The following CNTNAP2 variants were observed in gnomAD, a reference collection of about 807,000 sequenced individuals.
CNTNAP2 encodes contactin-associated protein-like 2.
In CNTNAP2, 98 loss-of-function variants were observed where a neutral mutation model predicts 155.2. The ratio of observed to expected loss-of-function variants is 0.63; its 90% CI spans 0.54 to 0.75. The LOEUF is 0.75. CNTNAP2 is among the 30% of genes least tolerant of loss of function. The pLI, the probability that CNTNAP2 is intolerant of heterozygous loss-of-function variation, is 0.00. For synonymous variants in CNTNAP2, 651 were observed against 631.2 expected, an observed-to-expected ratio of 1.03 and a Z score of -0.47; for missense variants, 1,727 against 1,688.1, an observed-to-expected ratio of 1.02 and a Z score of -0.40.
At chr7:146,258,322 G>A (rs1156642903) in intron 1 of CNTNAP2, among the ~76,000 whole-genome samples, 3 of 151,956 alleles carry the variant, frequency 2.0e-5, no homozygotes. Flanking sequence ...TATGTGCCTG[G>A]ATACTAAGCC....
chr7:146,186,273 C>G (rs1307063817), intron 1 of CNTNAP2, among the ~76,000 whole-genome samples: 7 of 152,188 alleles, frequency 4.6e-5, no homozygotes, highest in Middle Eastern at 3.4e-3. Context: ...TTTTATCTTA[C>G]CTTTACCTTC....
intron 15 of CNTNAP2, among the ~76,000 whole-genome samples, chr7:148,102,767 A>G (rs1563200274): frequency 6.6e-6 from 1 of 152,194 alleles, no homozygotes; most frequent in Non-Finnish European, 1.5e-5. Context: ...GTTTGCATAT[A>G]GCTTTGGGGC....
chr7:147,351,988 C>T (rs1368366390), intron 9 of CNTNAP2, among the ~76,000 whole-genome samples: 1 of 151,760 alleles, frequency 6.6e-6, no homozygotes, highest in African/African-American at 2.4e-5. Context: ...TTAAAATGTG[C>T]CAATTCTTCA....
chr7:146,731,359 TTTA>T (rs1563208226), intron 1 of CNTNAP2, among the ~76,000 whole-genome samples: 1 of 151,850 alleles, frequency 6.6e-6, no homozygotes. Flanking sequence ...CGTGCAATAT[TTTA>T]TTTATTATTT....
At chr7:147,060,419 C>T (rs750416666) in intron 4 of CNTNAP2, among the ~76,000 whole-genome samples, 2 of 152,116 alleles carry the variant, frequency 1.3e-5, no homozygotes, top group Non-Finnish European at 2.9e-5. Context: ...TTTCACTTAG[C>T]AGTTTGATTT....
chr7:147,911,684 C>T (rs1800069312), intron 14 of CNTNAP2, among the ~76,000 whole-genome samples: 3 of 152,224 alleles, frequency 2.0e-5, no homozygotes, highest in Admixed American at 1.3e-4. Context: ...CTAAGAACCT[C>T]ATGTGAGTGA....
Position 147,847,909 on chromosome 7 carries a change from G to A in CNTNAP2, c.2099-55656G>A, listed in dbSNP as rs997310850. Among the ~76,000 whole-genome samples the A allele has an allele frequency of 3.4e-4, 42 of 123,762 alleles. 1 individual carries two copies. Among genetic ancestry groups the A allele is most frequent in the Admixed American group, 6.3e-4 (7 of 11,100 alleles). 81.2% of individuals were successfully genotyped at this position (123,762 alleles called of 152,430 possible). On this transcript the variant is annotated intron_variant, in intron 13 of 23. Coordinates refer to ENST00000361727, the MANE Select transcript of CNTNAP2 (RefSeq NM_014141.6). ...GGGGTGCCTCCCAGTTAGGCTGCTC[G>A]GGGGTCAGGGGTCAGGGACCCACTT...
chr7:147,299,304 C>G lies in CNTNAP2; in HGVS notation c.1349-837C>G, dbSNP rs139282493. Among the ~76,000 whole-genome samples the G allele has an allele frequency of 2.6e-4, 40 of 152,238 alleles. No individual in the cohort carries two copies. The East Asian group carries it at 4.6e-3, about 18-fold the overall frequency. Reference sequence around the variant, plus strand: ...CTATTCTTCATAAAATGAACACAAACTAAACAAAAGCTTTAAGCTACTGTC... The same window carrying G: ...CTATTCTTCATAAAATGAACACAAAGTAAACAAAAGCTTTAAGCTACTGTC... On this transcript the variant is annotated intron_variant, in intron 8 of 23. Coordinates refer to ENST00000361727, the MANE Select transcript of CNTNAP2 (RefSeq NM_014141.6).
chr7:147,827,260 C>T (rs987461189), intron 13 of CNTNAP2, among the ~76,000 whole-genome samples: 11 of 152,098 alleles, frequency 7.2e-5, no homozygotes, highest in Admixed American at 6.5e-5. Flanking sequence ...TTGCCCCAAG[C>T]AGATGGAGTA....
chr7:148,310,725 G>A (rs1035763804), intron 21 of CNTNAP2, among the ~76,000 whole-genome samples: 3 of 152,218 alleles, frequency 2.0e-5, no homozygotes, highest in South Asian at 2.1e-4. Context: ...GACCTTGTGC[G>A]AGGCAAAACT....
chr7:146,723,896 G>A (rs1199186235), intron 1 of CNTNAP2, among the ~76,000 whole-genome samples: 1 of 152,110 alleles, frequency 6.6e-6, no homozygotes, highest in Non-Finnish European at 1.5e-5. Context: ...GTGCTTGCCA[G>A]ATAAAATATG....
intron 1 of CNTNAP2, among the ~76,000 whole-genome samples, chr7:146,392,325 AG>A (rs1795556763): frequency 6.6e-6 from 1 of 152,202 alleles, no homozygotes; most frequent in Non-Finnish European, 1.5e-5. Flanking sequence ...AATATCATTG[AG>A]AAGTATCAGA....
At chr7:146,202,201 T>C (rs540619106) in intron 1 of CNTNAP2, among the ~76,000 whole-genome samples, 1 of 152,204 alleles carries the variant, frequency 6.6e-6, no homozygotes, top group Non-Finnish European at 1.5e-5. Flanking sequence ...CAAATTGGTA[T>C]ATTTTCATGC....
At chr7:148,290,076 T>C (rs1797162022) in intron 21 of CNTNAP2, among the ~76,000 whole-genome samples, 1 of 152,198 alleles carries the variant, frequency 6.6e-6, no homozygotes, top group African/African-American at 2.4e-5. Flanking sequence ...CTTTTCTCAA[T>C]TGATAGAAAA....
chr7:146,270,649 T>C (rs1039635681), intron 1 of CNTNAP2, among the ~76,000 whole-genome samples: 5 of 152,190 alleles, frequency 3.3e-5, no homozygotes, highest in African/African-American at 4.8e-5. Context: ...TTGAATAGAT[T>C]ATCTGAAATA....
intron 1 of CNTNAP2, among the ~76,000 whole-genome samples, chr7:146,185,761 C>CCT (rs1554400925): frequency 0.12 from 11,158 of 94,836 alleles, 1,073 homozygotes; most frequent in African/African-American, 0.34. Context: ...TTTTATTATT[C>CCT]TTTTTTTTTT....
chr7:146,974,676 G>T (rs529461718), intron 3 of CNTNAP2, among the ~76,000 whole-genome samples: 15 of 152,224 alleles, frequency 9.9e-5, no homozygotes, highest in South Asian at 2.1e-4. Context: ...CATTTAAATT[G>T]CAAAATAAAA....
chr7:147,679,507 A>T (rs942554853), intron 13 of CNTNAP2, among the ~76,000 whole-genome samples: 1 of 152,088 alleles, frequency 6.6e-6, no homozygotes, highest in South Asian at 2.1e-4. Context: ...TTTTCTAAAA[A>T]TATGGCCACG....
intron 4 of CNTNAP2, among the ~76,000 whole-genome samples, chr7:147,099,342 C>G (rs188622915): frequency 1.6e-4 from 24 of 152,124 alleles, no homozygotes; most frequent in Admixed American, 1.4e-3. Context: ...GAAGACCAGT[C>G]CCTCTAGGGT....
Sources: allele counts gnomAD v4.1 joint callset (sites outside exome capture counted in the v4.1 genomes callset), GRCh38; gene constraint gnomAD v4.1.1; transcripts MANE v1.5; gene names NCBI Gene and HGNC (gene_info 2026-07-23, HGNC 2026-07-21).